SEMA5A: variants seen among roughly 807,000 people sequenced by gnomAD.
SEMA5A encodes semaphorin-5A.
SEMA5A carries 55 observed loss-of-function variants against 135.5 expected under a neutral mutation model. The ratio of observed to expected loss-of-function variants is 0.41; its 90% CI spans 0.33 to 0.51. The LOEUF is 0.51. SEMA5A is among the 20% of genes least tolerant of loss of function. The pLI, the probability that SEMA5A is intolerant of heterozygous loss-of-function variation, is 0.37. For synonymous variants in SEMA5A, 580 were observed against 546.5 expected (o/e 1.06, Z -0.85); for missense variants, 1,290 against 1,419.9 (o/e 0.91, Z 1.47).
At position 9,267,620 on chromosome 5, in the gene SEMA5A, A is replaced by G. The variant is rs1749751314; in HGVS notation, c.271-29730T>C. ...GTATTCCTTCTCTCATTTCTCAGAT[A>G]AAAGGCATCTGATTCCTCTGACTGC... On this transcript the variant is annotated intron_variant, in intron 5 of 22. Coordinates refer to ENST00000382496, the MANE Select transcript of SEMA5A (RefSeq NM_003966.3). 2.0e-5 allele frequency among the ~76,000 whole-genome samples: 3 copies of G among 152,162 alleles called. No individual in the cohort carries two copies. In the South Asian group the frequency reaches 6.2e-4, roughly 32 times the overall value.
intron 2 of SEMA5A, among the ~76,000 whole-genome samples, chr5:9,418,364 C>T (rs760235959): frequency 2.0e-5 from 3 of 152,178 alleles, no homozygotes; most frequent in East Asian, 1.9e-4. Flanking sequence ...CCTTATAATA[C>T]TATCAAACTG....
Position 9,257,271 on chromosome 5 carries a change from C to A in SEMA5A, c.271-19381G>T, listed in dbSNP as rs984071577. On this transcript the variant is annotated intron_variant, in intron 5 of 22. Transcript: ENST00000382496. The stretch of plus-strand genomic sequence containing the variant: ...AACTCTTTACCTATCATCTCTATGA[C>A]CTTCTCACAGCGTCTTGTATTGGAG... Among the ~76,000 whole-genome samples, 4 of 152,182 alleles carry A rather than the reference C, an allele frequency of 2.6e-5. No homozygotes were observed. The East Asian group carries it at 5.8e-4, about 22-fold the overall frequency.
intron 12 of SEMA5A, among the ~76,000 whole-genome samples, chr5:9,145,702 A>G (rs1742294087): frequency 6.9e-6 from 1 of 145,776 alleles, no homozygotes. Flanking sequence ...GTAGTGGTGC[A>G]GTCTTGGCTC....
At chr5:9,476,726 C>A (rs1247443073) in intron 1 of SEMA5A, among the ~76,000 whole-genome samples, 1 of 152,180 alleles carries the variant, frequency 6.6e-6, no homozygotes, top group African/African-American at 2.4e-5. Flanking sequence ...TTTCCATCAT[C>A]TTTACCACAA....
chr5:9,154,093 A>ATATGTGTGTGTG (rs372321939), intron 12 of SEMA5A, among the ~76,000 whole-genome samples: 17 of 73,504 alleles, frequency 2.3e-4, no homozygotes, highest in African/African-American at 9.5e-4. Flanking sequence ...ATATATATAT[A>ATATGTGTGTGTG]TGTGTGTGTG....
intron 3 of SEMA5A, among the ~76,000 whole-genome samples, chr5:9,364,864 G>A (rs1437304345): frequency 6.6e-6 from 1 of 152,086 alleles, no homozygotes; most frequent in Non-Finnish European, 1.5e-5. Flanking sequence ...ATTAAAATGA[G>A]GAATTATTTA....
intron 1 of SEMA5A, among the ~76,000 whole-genome samples, chr5:9,490,423 G>A (rs2126798603): frequency 6.6e-6 from 1 of 151,612 alleles, no homozygotes; most frequent in African/African-American, 2.4e-5. Flanking sequence ...TCTTTCATAG[G>A]ATCCATTATT....
At chr5:9,454,195 C>T (rs183516227) in intron 1 of SEMA5A, among the ~76,000 whole-genome samples, 6 of 152,284 alleles carry the variant, frequency 3.9e-5, no homozygotes, top group Admixed American at 3.3e-4. Context: ...GCCAAGGTCA[C>T]GTGCTGAATG....
rs1454884975 is a variant in SEMA5A, at chr5:9,036,750, TTAAAG to T, written c.*6142_*6146del. The T allele has an allele frequency of 3.3e-5, 5 of 152,544 alleles. No individual in the cohort carries two copies. Among genetic ancestry groups the T allele is most frequent in the Non-Finnish European group, 4.4e-5 (3 of 68,002 alleles). The allele number at this position is 152,544 out of a possible 1,614,324, so 9.4% of individuals were successfully genotyped here. ...AAGAGACATAGGAGAATAATTTTCT[TTAAAG>T]TAAATCCAATCAATCTTCTCCTTCT... On this transcript the variant is annotated 3_prime_UTR_variant, in exon 23 of 23. Coordinates refer to ENST00000382496, the MANE Select transcript of SEMA5A (RefSeq NM_003966.3).
At chr5:9,253,175 C>G (rs1469060246) in intron 5 of SEMA5A, among the ~76,000 whole-genome samples, 1 of 152,174 alleles carries the variant, frequency 6.6e-6, no homozygotes, top group East Asian at 1.9e-4. Context: ...TCTAATATGT[C>G]TGAAACAAGT....
chr5:9,401,781 C>T (rs1487168106), intron 2 of SEMA5A, among the ~76,000 whole-genome samples: 1 of 152,178 alleles, frequency 6.6e-6, no homozygotes, highest in Non-Finnish European at 1.5e-5. Context: ...TGAGAATCAG[C>T]CTGGGGTTGC....
intron 3 of SEMA5A, among the ~76,000 whole-genome samples, chr5:9,357,982 G>T (rs928677787): frequency 6.6e-6 from 1 of 152,196 alleles, no homozygotes; most frequent in Non-Finnish European, 1.5e-5. Flanking sequence ...CTAAGAAACA[G>T]GGATTGTTGA....
intron 1 of SEMA5A, among the ~76,000 whole-genome samples, chr5:9,507,406 C>T (rs576593018): frequency 6.6e-6 from 1 of 152,238 alleles, no homozygotes; most frequent in Admixed American, 6.5e-5. Flanking sequence ...TTTGTTTTTC[C>T]CACACATGCC....
intron 1 of SEMA5A, among the ~76,000 whole-genome samples, chr5:9,528,870 T>C (rs1279675963): frequency 6.6e-6 from 1 of 152,186 alleles, no homozygotes; most frequent in Non-Finnish European, 1.5e-5. Context: ...AACTACATTG[T>C]TTGCTCACAT....
intron 1 of SEMA5A, among the ~76,000 whole-genome samples, chr5:9,484,639 CA>C (rs774147593): frequency 3.9e-5 from 6 of 152,170 alleles, no homozygotes; most frequent in Non-Finnish European, 8.8e-5. Context: ...TAAATGCCAT[CA>C]CAGTTAAATG....
chr5:9,106,395 C>T (rs1235725367), intron 16 of SEMA5A, among the ~76,000 whole-genome samples: 1 of 152,128 alleles, frequency 6.6e-6, no homozygotes, highest in African/African-American at 2.4e-5. Flanking sequence ...CATAAAAATG[C>T]TACATTATTG....
At chr5:9,155,776 C>T (rs1219635553) in intron 11 of SEMA5A, among the ~76,000 whole-genome samples, 2 of 152,170 alleles carry the variant, frequency 1.3e-5, no homozygotes, top group Non-Finnish European at 2.9e-5. Flanking sequence ...AAATACTTTA[C>T]ATTTTTCTCT....
At chr5:9,454,612 G>A (rs767260701) in intron 1 of SEMA5A, among the ~76,000 whole-genome samples, 16 of 152,158 alleles carry the variant, frequency 1.1e-4, no homozygotes, top group African/African-American at 1.4e-4. Flanking sequence ...AGATCTTAAC[G>A]TAAAAACAAA....
At chr5:9,349,156 A>G (rs1754003229) in intron 3 of SEMA5A, among the ~76,000 whole-genome samples, 1 of 152,220 alleles carries the variant, frequency 6.6e-6, no homozygotes, top group South Asian at 2.1e-4. Context: ...GAGAGGTCTA[A>G]TAAGTCCCAA....
Sources: allele counts gnomAD v4.1 joint callset (sites outside exome capture counted in the v4.1 genomes callset), GRCh38; gene constraint gnomAD v4.1.1; transcripts MANE v1.5; gene names NCBI Gene and HGNC (gene_info 2026-07-23, HGNC 2026-07-21).